Variants in SLC9C2 observed in about 807,000 individuals in gnomAD.
The protein encoded by SLC9C2 is solute carrier family 9 member C2 (putative).
Under a neutral mutation model 140.2 loss-of-function variants are expected in SLC9C2, and 75 were observed. The observed-to-expected ratio is 0.53, with a 90% CI of 0.44 to 0.65. The LOEUF (loss-of-function observed/expected upper bound fraction) is 0.65, where lower values mean the gene tolerates loss of function less well. Ranked by LOEUF, SLC9C2 falls within the 30% of genes least tolerant of loss-of-function variation. The pLI, the probability that SLC9C2 is intolerant of heterozygous loss-of-function variation, is 0.00. For synonymous variants in SLC9C2, 375 were observed against 420.9 expected, an observed-to-expected ratio of 0.89 and a Z score of 1.34; for missense variants, 1,074 against 1,331.8, an observed-to-expected ratio of 0.81 and a Z score of 3.01.
intron 7 of SLC9C2, among the ~76,000 whole-genome samples, chr1:173,577,915 T>C (rs1480223183): frequency 2.0e-5 from 3 of 152,162 alleles, no homozygotes; most frequent in Non-Finnish European, 1.5e-5. Flanking sequence ...AAATAACCAA[T>C]GACAATAAAA....
chr1:173,544,104 C>T (rs1253800190), intron 13 of SLC9C2, among the ~76,000 whole-genome samples: 1 of 151,930 alleles, frequency 6.6e-6, no homozygotes, highest in African/African-American at 2.4e-5. Flanking sequence ...TGCAATCTAC[C>T]CATCTGACAA....
chr1:173,526,542 AAATGCTTGTTG>A, intron 19 of SLC9C2, 110 bp downstream of exon 19: 1 of 907,028 alleles, frequency 1.1e-6, no homozygotes, highest in African/African-American at 1.7e-5. Flanking sequence ...TGTGTTTAAT[AAATGCTTGTTG>A]AATGCATAAA....
At chr1:173,594,331 G>T (rs1666333012) in intron 4 of SLC9C2, among the ~76,000 whole-genome samples, 1 of 152,108 alleles carries the variant, frequency 6.6e-6, no homozygotes, top group Admixed American at 6.6e-5. Flanking sequence ...CCTACATGAA[G>T]AAATAATGTT....
chr1:173,543,021 A>G (rs373769095), intron 13 of SLC9C2, among the ~76,000 whole-genome samples: 1 of 152,136 alleles, frequency 6.6e-6, no homozygotes, highest in African/African-American at 2.4e-5. Flanking sequence ...CAATCAGGCA[A>G]GAGAAAGAAA....
Position 173,602,781 on chromosome 1 carries a change from T to G in SLC9C2, c.-110A>C, listed in dbSNP as rs1666864589. ...GTCCTTTGTTTTGCAGGTCTACAGG[T>G]CACAATGATTCTGGTGTGAAGCAGA... On this transcript the variant is annotated 5_prime_UTR_variant, in exon 1 of 28. Transcript: ENST00000367714. 1 of 152,214 alleles carries G rather than the reference T, an allele frequency of 6.6e-6. No homozygotes were observed. Among genetic ancestry groups the G allele is most frequent in the African/African-American group, 2.4e-5 (1 of 41,458 alleles). The allele number at this position is 152,214 out of a possible 1,614,324, so 9.4% of individuals were successfully genotyped here.
At chr1:173,581,539 G>A (rs937791844) in intron 7 of SLC9C2, among the ~76,000 whole-genome samples, 3 of 152,118 alleles carry the variant, frequency 2.0e-5, no homozygotes, top group African/African-American at 7.2e-5. Context: ...GGTTAGAGCA[G>A]AAATGAGCTC....
rs186685045 is a variant in SLC9C2, at chr1:173,567,425, C to T, written c.1046+5757G>A. Among the ~76,000 whole-genome samples, 1,105 of 152,194 alleles carry T rather than the reference C, an allele frequency of 7.3e-3. 9 individuals carry two copies. The highest frequency in any genetic ancestry group is 0.024 in the African/African-American group (997 of 41,550). ...ATCATTATATAATGACCTTCTTTGTCTCTTCTTACAGTTTTTGTCTTGAAA... is the reference window on the plus strand; with the variant it reads ...ATCATTATATAATGACCTTCTTTGTTTCTTCTTACAGTTTTTGTCTTGAAA... On this transcript the variant is annotated intron_variant, in intron 9 of 27. Transcript: ENST00000367714.
Position 173,521,403 on chromosome 1 carries a change from A to G in SLC9C2, c.2641-4T>C. Reference sequence around the variant, plus strand: ...AACAGGCAAGTTTGGCTCTTTCCTGAGTGGGAAAAAAAAAAACGAAAAGAA... The same window carrying G: ...AACAGGCAAGTTTGGCTCTTTCCTGGGTGGGAAAAAAAAAAACGAAAAGAA... On this transcript the variant is annotated splice_polypyrimidine_tract_variant and splice_region_variant and intron_variant, in intron 21 of 27. Transcript: ENST00000367714. 2 of 1,449,508 alleles carry G rather than the reference A, an allele frequency of 1.4e-6. No homozygotes were observed. Among genetic ancestry groups the G allele is most frequent in the Non-Finnish European group, 1.8e-6 (2 of 1,099,190 alleles). 89.8% of individuals were successfully genotyped at this position (1,449,508 alleles called of 1,614,324 possible). A position where few individuals can be genotyped will look rare whatever the true frequency, so the allele number is the denominator to read the frequency against.
At chr1:173,538,253 T>C (rs1350125421) in intron 13 of SLC9C2, among the ~76,000 whole-genome samples, 1 of 152,220 alleles carries the variant, frequency 6.6e-6, no homozygotes, top group Non-Finnish European at 1.5e-5. Context: ...GCCTCCGTGA[T>C]GGCCCTGGTA....
intron 12 of SLC9C2, among the ~76,000 whole-genome samples, chr1:173,548,134 T>C (rs1251292643): frequency 6.6e-6 from 1 of 152,226 alleles, no homozygotes; most frequent in Non-Finnish European, 1.5e-5. Flanking sequence ...GCAGAGGCCA[T>C]TGATTGGTAC....
intron 9 of SLC9C2, among the ~76,000 whole-genome samples, chr1:173,569,297 T>C (rs1453374716): frequency 6.6e-6 from 1 of 151,946 alleles, no homozygotes; most frequent in African/African-American, 2.4e-5. Context: ...CCTCAGTATG[T>C]CACTTGCATT....
intron 26 of SLC9C2, among the ~76,000 whole-genome samples, chr1:173,504,847 T>C (rs1358849098): frequency 1.3e-5 from 2 of 152,214 alleles, no homozygotes; most frequent in African/African-American, 4.8e-5. Context: ...TGACTATGGG[T>C]AAGGTTTCCT....
intron 5 of SLC9C2, among the ~76,000 whole-genome samples, chr1:173,586,558 T>G (rs1401701833): frequency 6.6e-6 from 1 of 152,222 alleles, no homozygotes; most frequent in African/African-American, 2.4e-5. Flanking sequence ...TAAATCATTC[T>G]ACTATAAAGA....
intron 21 of SLC9C2, among the ~76,000 whole-genome samples, chr1:173,523,311 G>A (rs985705089): frequency 6.6e-6 from 1 of 152,124 alleles, no homozygotes; most frequent in Non-Finnish European, 1.5e-5. Context: ...GGCGGAGGTT[G>A]CAGTGAGCCG....
At chr1:173,571,981 G>T (rs1211969425) in intron 9 of SLC9C2, among the ~76,000 whole-genome samples, 1 of 152,114 alleles carries the variant, frequency 6.6e-6, no homozygotes, top group Non-Finnish European at 1.5e-5. Context: ...TGCCAGGCAT[G>T]GTGCTAAATT....
chr1:173,557,289 G>A (rs1455856660), intron 10 of SLC9C2, 51 bp downstream of exon 10: 11 of 1,547,942 alleles, frequency 7.1e-6, no homozygotes, highest in Admixed American at 2.0e-5. Context: ...AAGTGGGCAA[G>A]ATAAGTAAAA....
intron 13 of SLC9C2, among the ~76,000 whole-genome samples, chr1:173,547,265 G>A (rs1199273781): frequency 6.6e-6 from 1 of 151,774 alleles, no homozygotes; most frequent in African/African-American, 2.4e-5. Context: ...AACATTTCAA[G>A]AGAATTTTTG....
At chr1:173,573,044 T>A in intron 9 of SLC9C2, 138 bp downstream of exon 9, 1 of 552,750 alleles carries the variant, frequency 1.8e-6, no homozygotes, top group Non-Finnish European at 3.1e-6. Context: ...AGCAAGCTAT[T>A]GTCAAGGCCT....
intron 13 of SLC9C2, among the ~76,000 whole-genome samples, chr1:173,547,005 G>A (rs1425802809): frequency 1.3e-5 from 2 of 152,020 alleles, no homozygotes; most frequent in Non-Finnish European, 2.9e-5. Context: ...GGTACATGAG[G>A]ATTTATTACA....
Sources: gnomAD v4.1 joint callset for allele counts (sites outside exome capture counted in the v4.1 genomes callset) on GRCh38, gnomAD v4.1.1 for gene constraint, MANE v1.5 for transcripts, NCBI Gene and HGNC (gene_info 2026-07-23, HGNC 2026-07-21) for gene names.